The following DLGAP2 variants were observed in gnomAD, a reference collection of about 807,000 sequenced individuals.
The protein encoded by DLGAP2 is disks large-associated protein 2.
DLGAP2 carries 26 observed loss-of-function variants against 100.3 expected under a neutral mutation model. The ratio of observed to expected loss-of-function variants is 0.26; its 90% CI spans 0.19 to 0.36. The LOEUF is 0.36. Ranked by LOEUF, DLGAP2 falls within the 10% of genes least tolerant of loss-of-function variation. The probability of loss-of-function intolerance (pLI) is 1.00; values close to 1 mark genes in which losing one functional copy is unlikely to be tolerated. For synonymous variants in DLGAP2, 886 were observed against 630.1 expected (o/e 1.41, Z -6.08); for missense variants, 1,858 against 1,453.2 (o/e 1.28, Z -4.53).
intron 2 of DLGAP2, among the ~76,000 whole-genome samples, chr8:1,228,750 T>A (rs901438264): frequency 1.3e-5 from 2 of 152,180 alleles, no homozygotes; most frequent in Non-Finnish European, 2.9e-5. Context: ...TTCATAACAC[T>A]CAACAAACTG....
chr8:1,354,990 TGATGCTGCGGATGAGGGTGGAAAGTCAC>T, intron 3 of DLGAP2, among the ~76,000 whole-genome samples: 1 of 143,100 alleles, frequency 7.0e-6, no homozygotes, highest in African/African-American at 2.6e-5. Flanking sequence ...AAGTCACGGA[TGATGCTGCGGATGAGGGTGGAAAGTCAC>T]GGATGATGCT....
chr8:764,091 A>T (rs756843487), intron 1 of DLGAP2, among the ~76,000 whole-genome samples: 2 of 152,230 alleles, frequency 1.3e-5, no homozygotes, highest in South Asian at 2.1e-4. Flanking sequence ...TGGTTTAAAT[A>T]GACTGGCGAG....
intron 2 of DLGAP2, among the ~76,000 whole-genome samples, chr8:1,231,961 G>A (rs1167699751): frequency 6.6e-6 from 1 of 151,900 alleles, no homozygotes; most frequent in Non-Finnish European, 1.5e-5. Flanking sequence ...AATCAAAGTT[G>A]AAAAAATTAA....
rs187651349 is a variant in DLGAP2 at position 1,377,632 on chromosome 8, G to C, written c.106+118749G>C. ...GGAGGCAGAGGACATACCCCAGCCTGTCAGAACCCAGTGTGCCCTGAGGGC... is the reference window on the plus strand; with the variant it reads ...GGAGGCAGAGGACATACCCCAGCCTCTCAGAACCCAGTGTGCCCTGAGGGC... On this transcript the variant is annotated intron_variant, in intron 3 of 14. Transcript: ENST00000637795. Among the ~76,000 whole-genome samples, 4 of 152,346 alleles carry C rather than the reference G, an allele frequency of 2.6e-5. No individual in the cohort carries two copies. The East Asian group carries it at 7.7e-4, about 29-fold the overall frequency.
At chr8:1,647,783 C>G (rs1798076713) in intron 8 of DLGAP2, among the ~76,000 whole-genome samples, 1 of 152,158 alleles carries the variant, frequency 6.6e-6, no homozygotes, top group African/African-American at 2.4e-5. Context: ...GCCTGCCTGG[C>G]TTATGAACCC....
intron 2 of DLGAP2, among the ~76,000 whole-genome samples, chr8:1,099,227 G>C (rs1264779882): frequency 6.6e-6 from 1 of 152,180 alleles, no homozygotes; most frequent in African/African-American, 2.4e-5. Context: ...TAGTAACTGC[G>C]ATGAATTCCC....
At chr8:891,129 A>ACCCC (rs143905782) in intron 1 of DLGAP2, 221 of 120,104 alleles carry the variant, frequency 1.8e-3, no homozygotes, top group African/African-American at 6.4e-3. Context: ...TAAATAAGGC[A>ACCCC]CCCCCCCCCC....
chr8:1,499,404 C>T (rs1393389121), intron 3 of DLGAP2, among the ~76,000 whole-genome samples: 1 of 152,122 alleles, frequency 6.6e-6, no homozygotes, highest in Non-Finnish European at 1.5e-5. Flanking sequence ...TTAGTTCATC[C>T]CCAAATTCCT....
chr8:803,590 C>T (rs7459433), intron 1 of DLGAP2, among the ~76,000 whole-genome samples: 34,286 of 151,868 alleles, frequency 0.23, 4,619 homozygotes, highest in Non-Finnish European at 0.31. Flanking sequence ...TCTACACGCC[C>T]GGCATTCTGC....
At chr8:1,601,564 C>T (rs555427391) in intron 6 of DLGAP2, among the ~76,000 whole-genome samples, 343 of 152,040 alleles carry the variant, frequency 2.3e-3, no homozygotes, top group African/African-American at 8.0e-3. Context: ...TTCAGAGATG[C>T]CCTGCCCAGA....
At chr8:1,593,478 A>T (rs1011465546) in intron 6 of DLGAP2, among the ~76,000 whole-genome samples, 1 of 151,896 alleles carries the variant, frequency 6.6e-6, no homozygotes, top group Non-Finnish European at 1.5e-5. Flanking sequence ...ATAATAAAAT[A>T]AAAATAAATA....
chr8:1,271,790 G>T (rs1335318236), intron 3 of DLGAP2, among the ~76,000 whole-genome samples: 10 of 152,098 alleles, frequency 6.6e-5, no homozygotes, highest in East Asian at 1.9e-4. Context: ...CAATTAGAAT[G>T]ATTTCTTTTT....
intron 5 of DLGAP2, among the ~76,000 whole-genome samples, chr8:1,554,798 C>T (rs1470533357): frequency 1.3e-5 from 2 of 152,034 alleles, no homozygotes; most frequent in East Asian, 1.9e-4. Flanking sequence ...CCACCACCCT[C>T]ACGGTATCCC....
At chr8:1,350,085 CAAT>C (rs1227356996) in intron 3 of DLGAP2, among the ~76,000 whole-genome samples, 1 of 152,134 alleles carries the variant, frequency 6.6e-6, no homozygotes, top group Non-Finnish European at 1.5e-5. Flanking sequence ...TATAAGGTGC[CAAT>C]AATTTATTCA....
chr8:1,160,464 T>A (rs547684637), intron 2 of DLGAP2, among the ~76,000 whole-genome samples: 1 of 152,330 alleles, frequency 6.6e-6, no homozygotes, highest in African/African-American at 2.4e-5. Flanking sequence ...GAGGTGCTTT[T>A]TATTCAGCTA....
chr8:946,033 C>G (rs142966973), intron 2 of DLGAP2, among the ~76,000 whole-genome samples: 30 of 152,162 alleles, frequency 2.0e-4, no homozygotes, highest in African/African-American at 7.0e-4. Context: ...CTCCTTTGCT[C>G]CTGAATAGGC....
chr8:825,563 C>G (rs563939733), intron 1 of DLGAP2, among the ~76,000 whole-genome samples: 30 of 152,326 alleles, frequency 2.0e-4, no homozygotes, highest in African/African-American at 6.0e-4. Flanking sequence ...TTATCTCTAA[C>G]GACATCATCC....
chr8:1,178,115 A>T lies in DLGAP2; in HGVS notation c.74-80736A>T, dbSNP rs544500756. Among the ~76,000 whole-genome samples, 3 of 152,314 alleles carry T rather than the reference A, an allele frequency of 2.0e-5. No homozygotes were observed. In the South Asian group the frequency reaches 6.2e-4, roughly 32 times the overall value. ...GGTGGTGTCAGAGTCATTACCCCAGAATCCAAGGCCTTGGAGAGAACTAGG... is the reference window on the plus strand; with the variant it reads ...GGTGGTGTCAGAGTCATTACCCCAGTATCCAAGGCCTTGGAGAGAACTAGG... On this transcript the variant is annotated intron_variant, in intron 2 of 14. Coordinates refer to ENST00000637795, the MANE Select transcript of DLGAP2 (RefSeq NM_001346810.2).
At chr8:957,883 A>C (rs1020243946) in intron 2 of DLGAP2, among the ~76,000 whole-genome samples, 1 of 151,714 alleles carries the variant, frequency 6.6e-6, no homozygotes, top group African/African-American at 2.4e-5. Flanking sequence ...TGTGGGAAAA[A>C]TATATTAAAA....
Sources: allele counts gnomAD v4.1 joint callset (sites outside exome capture counted in the v4.1 genomes callset), GRCh38; gene constraint gnomAD v4.1.1; transcripts MANE v1.5; gene names NCBI Gene and HGNC (gene_info 2026-07-23, HGNC 2026-07-21).